TENT4B: variants seen among roughly 807,000 people sequenced by gnomAD.
TENT4B encodes terminal nucleotidyltransferase 4B.
In TENT4B, 10 loss-of-function variants were observed where a neutral mutation model predicts 75.0. That is an observed-to-expected ratio of 0.13 (90% CI 0.08 to 0.23). The LOEUF is 0.23. TENT4B is among the 10% of genes least tolerant of loss of function. The pLI, the probability that TENT4B is intolerant of heterozygous loss-of-function variation, is 1.00. For synonymous variants in TENT4B, 350 were observed against 357.7 expected (o/e 0.98, Z 0.24); for missense variants, 579 against 893.8 (o/e 0.65, Z 4.49).
At chr16:50,222,563 T>C in intron 6 of TENT4B, 129 bp downstream of exon 6, 2 of 941,146 alleles carry the variant, frequency 2.1e-6, no homozygotes, top group Non-Finnish European at 1.6e-6. Context: ...TTAACGGCTT[T>C]TCCCTTTAAA....
intron 2 of TENT4B, among the ~76,000 whole-genome samples, chr16:50,213,719 G>GA (rs1241410900): frequency 1.3e-5 from 2 of 152,004 alleles, no homozygotes; most frequent in Non-Finnish European, 2.9e-5. Flanking sequence ...AAAATATTCA[G>GA]AAAAAACTAT....
At chr16:50,188,399 A>G (rs1407137935) in intron 1 of TENT4B, among the ~76,000 whole-genome samples, 1 of 152,196 alleles carries the variant, frequency 6.6e-6, no homozygotes, top group Non-Finnish European at 1.5e-5. Flanking sequence ...GATTGTTAGT[A>G]CAAATTAGTT....
Position 50,232,973 on chromosome 16 carries a change from A to C in TENT4B, c.*3645A>C. ...TGCTGTGATAAATATTGAAATGTTA[A>C]AATTAATGAACAGAAGAATTTATTC... On this transcript the variant is annotated 3_prime_UTR_variant, in exon 12 of 12. Coordinates refer to ENST00000561678, the MANE Select transcript of TENT4B (RefSeq NM_001365324.3). The C allele has an allele frequency of 1.0e-6, 1 of 984,560 alleles. No individual in the cohort carries two copies. Among genetic ancestry groups the C allele is most frequent in the Non-Finnish European group, 1.2e-6 (1 of 829,106 alleles). 61.0% of individuals were successfully genotyped at this position (984,560 alleles called of 1,614,324 possible).
chr16:50,211,717 G>T (rs1244518456), intron 2 of TENT4B, among the ~76,000 whole-genome samples: 2 of 152,014 alleles, frequency 1.3e-5, no homozygotes, highest in East Asian at 3.9e-4. Context: ...GAAATTATTA[G>T]TGTAAAGAGA....
chr16:50,217,585 T>C lies in TENT4B; in HGVS notation c.960T>C (p.Phe320=), dbSNP rs1470285377. ...CTATTATTAAATTAACAGATTCTTT[T>C]ACTGAAGTGAAAGTTGATATCAGCT... ...TVPIIKLTDS[F]TEVKVDISFN... The change falls in exon 5 of 12, where the codon TTT becomes TTC. Residue 320 remains phenylalanine, a synonymous_variant. Coordinates refer to ENST00000561678, the MANE Select transcript of TENT4B (RefSeq NM_001365324.3). The C allele has an allele frequency of 2.1e-5, 32 of 1,523,346 alleles. No individual in the cohort carries two copies. Among genetic ancestry groups the C allele is most frequent in the Non-Finnish European group, 2.8e-5 (32 of 1,136,520 alleles). The allele number at this position is 1,523,346 out of a possible 1,614,324, so 94.4% of individuals were successfully genotyped here.
At position 50,233,062 on chromosome 16, in the gene TENT4B, A is replaced by G; in HGVS notation, c.*3734A>G. ...TCAGTTATTGGAAAGGCACATTCTC[A>G]AAGTATTTTATGAGCAAAATATTCT... On this transcript the variant is annotated 3_prime_UTR_variant, in exon 12 of 12. Coordinates refer to ENST00000561678, the MANE Select transcript of TENT4B (RefSeq NM_001365324.3). 1.0e-6 allele frequency: 1 copy of G among 985,010 alleles called. No homozygotes were observed. The highest frequency in any genetic ancestry group is 1.2e-6 in the Non-Finnish European group (1 of 829,488). 61.0% of individuals were successfully genotyped at this position (985,010 alleles called of 1,614,324 possible).
In TENT4B at chr16:50,216,113, T is replaced by A; in HGVS notation, c.848T>A (p.Leu283Gln). ...GTGGTGTTTGGGAAGTGGGAGAACCTACCCCTCTGGACTCTGGAAGAAGCT... is the reference window on the plus strand; with the variant it reads ...GTGGTGTTTGGGAAGTGGGAGAACCAACCCCTCTGGACTCTGGAAGAAGCT... ...DLVVFGKWEN[L>Q]PLWTLEEALR... Residue 283 changes from leucine (L) to glutamine (Q), a missense_variant, in exon 4 of 12, where the codon CTA becomes CAA. Physicochemically the swap from Leu to Gln is moderately radical, Grantham distance 113. This residue lies in a region of TENT4B where 55 missense variants were observed against 77.1 expected (regional missense o/e 0.71). Transcript: ENST00000561678. The A allele has an allele frequency of 1.2e-6, 2 of 1,613,990 alleles. No homozygotes were observed. The highest frequency in any genetic ancestry group is 1.7e-6 in the Non-Finnish European group (2 of 1,179,854).
intron 5 of TENT4B, 81 bp downstream of exon 5, chr16:50,217,744 T>C: frequency 1.2e-5 from 8 of 673,292 alleles, no homozygotes; most frequent in Non-Finnish European, 1.9e-5. Context: ...TCTAATATTT[T>C]TATATGCATG....
chr16:50,205,370 A>T (rs2150727347), intron 1 of TENT4B, among the ~76,000 whole-genome samples: 1 of 152,208 alleles, frequency 6.6e-6, no homozygotes, highest in Non-Finnish European at 1.5e-5. Context: ...TTTTTTAAAA[A>T]AAATTATAAT....
chr16:50,204,942 T>C (rs996773988), intron 1 of TENT4B, among the ~76,000 whole-genome samples: 5 of 152,164 alleles, frequency 3.3e-5, no homozygotes, highest in Non-Finnish European at 7.3e-5. Context: ...CTGTCAGTAT[T>C]GCCCACAGGC....
intron 1 of TENT4B, among the ~76,000 whole-genome samples, chr16:50,165,678 A>T (rs1434743385): frequency 1.3e-5 from 2 of 152,204 alleles, no homozygotes; most frequent in African/African-American, 4.8e-5. Flanking sequence ...GAATCATAAC[A>T]GTTTGTGGCC....
chr16:50,211,588 A>G lies in TENT4B; in HGVS notation c.762+142A>G, dbSNP rs1009219274. 16 of 958,194 alleles carry G rather than the reference A, an allele frequency of 1.7e-5. 1 individual carries two copies. In the Admixed American group the frequency reaches 3.9e-4, roughly 23 times the overall value. The allele number at this position is 958,194 out of a possible 1,614,324, so 59.4% of individuals were successfully genotyped here. On this transcript the variant is annotated intron_variant, in intron 2 of 11. Transcript: ENST00000561678. ...GTGGTCTAATTAAATTTTAAAGGCA[A>G]ACAATTTTCTGCAGTCTTTAGAATT...
At chr16:50,170,858 G>A (rs531116927) in intron 1 of TENT4B, among the ~76,000 whole-genome samples, 32 of 152,122 alleles carry the variant, frequency 2.1e-4, no homozygotes, top group African/African-American at 7.2e-4. Flanking sequence ...GTAGAGATGG[G>A]GTTTCACCAT....
intron 1 of TENT4B, among the ~76,000 whole-genome samples, chr16:50,178,782 G>A (rs1299393191): frequency 6.6e-6 from 1 of 152,142 alleles, no homozygotes; most frequent in Admixed American, 6.5e-5. Flanking sequence ...TCAGTAATTA[G>A]AATAATGCTT....
At position 50,217,388 on chromosome 16, in the gene TENT4B, AGTAT is replaced by A. The variant is rs530056351; in HGVS notation, c.931-167_931-164del. Among the ~76,000 whole-genome samples the A allele has an allele frequency of 1.9e-3, 287 of 152,332 alleles. 2 individuals are homozygous for A. The highest frequency in any genetic ancestry group is 6.0e-3 in the African/African-American group (249 of 41,580). On this transcript the variant is annotated intron_variant, in intron 4 of 11. Coordinates refer to ENST00000561678, the MANE Select transcript of TENT4B (RefSeq NM_001365324.3). ...ACCCAGTGCTAAATATGCAGCATAT[AGTAT>A]TTGTAGCAGACCAGGTTTACTGGGG...
In TENT4B at chr16:50,233,670, T is replaced by G. The variant is rs1043832360; in HGVS notation, c.*4342T>G. 1.6e-5 allele frequency: 16 copies of G among 973,172 alleles called. No homozygotes were observed. The highest frequency in any genetic ancestry group is 1.9e-5 in the Non-Finnish European group (16 of 824,808). The allele number at this position is 973,172 out of a possible 1,614,324, so 60.3% of individuals were successfully genotyped here. On this transcript the variant is annotated 3_prime_UTR_variant, in exon 12 of 12. Coordinates refer to ENST00000561678, the MANE Select transcript of TENT4B (RefSeq NM_001365324.3). ...TAAACTGCTAATGTTTATTTTACTG[T>G]CTCTCAGGTTTTTGGTTTTTTTAAA... is the stretch of plus-strand genomic sequence containing the variant.
At chr16:50,175,517 G>A (rs1313726679) in intron 1 of TENT4B, among the ~76,000 whole-genome samples, 1 of 152,028 alleles carries the variant, frequency 6.6e-6, no homozygotes, top group Non-Finnish European at 1.5e-5. Context: ...ATGGAGTCTC[G>A]CTTTGTCGCC....
intron 1 of TENT4B, among the ~76,000 whole-genome samples, chr16:50,168,291 A>G (rs963701456): frequency 2.0e-5 from 3 of 151,736 alleles, no homozygotes; most frequent in Non-Finnish European, 2.9e-5. Context: ...TTTTGCAAAT[A>G]TATACAATTT....
At chr16:50,171,951 G>T (rs560352510) in intron 1 of TENT4B, among the ~76,000 whole-genome samples, 6 of 152,110 alleles carry the variant, frequency 3.9e-5, no homozygotes, top group African/African-American at 1.2e-4. Context: ...CGCAGCAGAG[G>T]TTGCAGTGAG....
Sources: gnomAD v4.1 joint callset for allele counts (sites outside exome capture counted in the v4.1 genomes callset) on GRCh38, gnomAD v4.1.1 for gene constraint, gnomAD v4.1.1 regional missense constraint, MANE v1.5 for transcripts, NCBI Gene and HGNC (gene_info 2026-07-23, HGNC 2026-07-21) for gene names.